The following ARHGAP6 variants were observed in gnomAD, a reference collection of about 807,000 sequenced individuals.
ARHGAP6 encodes the protein Rho GTPase activating protein 6, also known as rho GTPase-activating protein 6.
Under a neutral mutation model 55.7 loss-of-function variants are expected in ARHGAP6, and 16 were observed. The observed-to-expected ratio is 0.29, with a 90% CI of 0.19 to 0.44. ARHGAP6 has a LOEUF of 0.44. ARHGAP6 is among the 20% of genes least tolerant of loss of function. The probability of loss-of-function intolerance (pLI) is 1.00; values close to 1 mark genes in which losing one functional copy is unlikely to be tolerated. For synonymous variants in ARHGAP6, 382 were observed against 360.9 expected (o/e 1.06, Z -0.66); for missense variants, 698 against 808.9 (o/e 0.86, Z 1.66).
rs1263180014 is a variant in ARHGAP6, at chrX:11,196,912, C to A, written c.820+13G>T. 3 of 976,310 alleles carry A rather than the reference C, an allele frequency of 3.1e-6. No individual in the cohort carries two copies. In the African/African-American group the frequency reaches 5.6e-5, roughly 18 times the overall value. 80.5% of individuals were successfully genotyped at this position (976,310 alleles called of 1,213,427 possible). On this transcript the variant is annotated intron_variant, in intron 3 of 12. Transcript: ENST00000337414. ...ATGGAAGATGCATTTACATTGGGTA[C>A]TTTACCCTTTACCTTTGTCTTTGTT...
intron 2 of ARHGAP6, among the ~76,000 whole-genome samples, chrX:11,253,859 T>C (rs758187382): frequency 8.3e-5 from 9 of 108,426 alleles, no homozygotes; most frequent in Non-Finnish European, 1.1e-4. Flanking sequence ...GAGCTGAGGT[T>C]GTGCCACTGC....
At chrX:11,612,284 T>C (rs2052111027) in intron 1 of ARHGAP6, among the ~76,000 whole-genome samples, 1 of 112,332 alleles carries the variant, frequency 8.9e-6, no homozygotes, top group African/African-American at 3.2e-5. Context: ...TGCTAGCTTC[T>C]GGCACACTGT....
At chrX:11,215,707 G>A in intron 2 of ARHGAP6, among the ~76,000 whole-genome samples, 1 of 112,757 alleles carries the variant, frequency 8.9e-6, no homozygotes, top group Non-Finnish European at 1.9e-5. Flanking sequence ...CTCAGGTTAC[G>A]GCCAACCAGG....
chrX:11,176,248 TATATATATATATATATTTGC>T (rs1569242407), intron 8 of ARHGAP6, among the ~76,000 whole-genome samples: 1 of 68,163 alleles, frequency 1.5e-5, no homozygotes, highest in African/African-American at 4.8e-5. Flanking sequence ...TATATATATA[TATATATATATATATATTTGC>T]ATATATTTAT....
rs192700345 is a variant in ARHGAP6 at position 11,588,424 on chromosome X, C to T, written c.588+75817G>A. Among the ~76,000 whole-genome samples the T allele has an allele frequency of 5.1e-3, 564 of 111,605 alleles. 3 individuals are homozygous for T. Among genetic ancestry groups the T allele is most frequent in the Non-Finnish European group, 7.2e-3 (380 of 53,132 alleles). On this transcript the variant is annotated intron_variant, in intron 1 of 12. Coordinates refer to ENST00000337414, the MANE Select transcript of ARHGAP6 (RefSeq NM_013427.3). Reference sequence around the variant, plus strand: ...CAGCAATTCCATTCCTAGGTATATACCCAAGATAACTGAAAACATCTGCCT... The same window carrying T: ...CAGCAATTCCATTCCTAGGTATATATCCAAGATAACTGAAAACATCTGCCT...
chrX:11,408,993 C>T (rs1439803994), intron 1 of ARHGAP6, among the ~76,000 whole-genome samples: 1 of 110,096 alleles, frequency 9.1e-6, no homozygotes, highest in Non-Finnish European at 1.9e-5. Flanking sequence ...CCCCTTACTC[C>T]AATATCCTTA....
intron 1 of ARHGAP6, among the ~76,000 whole-genome samples, chrX:11,355,423 T>C (rs775455214): frequency 2.7e-5 from 3 of 112,272 alleles, no homozygotes; most frequent in Non-Finnish European, 5.6e-5. Context: ...GAGACTGAAG[T>C]TGCAAAGGCT....
chrX:11,450,876 C>T (rs966967476), intron 1 of ARHGAP6, among the ~76,000 whole-genome samples: 5 of 111,495 alleles, frequency 4.5e-5, no homozygotes, highest in Non-Finnish European at 9.4e-5. Context: ...CAGGCATTAT[C>T]AAATGTCCCC....
At chrX:11,601,836 A>G (rs2051978011) in intron 1 of ARHGAP6, among the ~76,000 whole-genome samples, 3 of 112,024 alleles carry the variant, frequency 2.7e-5, no homozygotes, top group Admixed American at 9.5e-5. Context: ...GAGCAGGAAC[A>G]TTGAGAACAG....
intron 1 of ARHGAP6, among the ~76,000 whole-genome samples, chrX:11,594,597 G>A (rs182150981): frequency 8.4e-4 from 93 of 110,375 alleles, no homozygotes; most frequent in African/African-American, 2.9e-3. Flanking sequence ...TTAGATTCTC[G>A]TAGGACCATG....
At chrX:11,264,223 T>TA (rs11410186) in intron 1 of ARHGAP6, among the ~76,000 whole-genome samples, 2,233 of 105,284 alleles carry the variant, frequency 0.021, 48 homozygotes, top group African/African-American at 0.061. Flanking sequence ...AGAGAGCCTG[T>TA]AAAAAAAAAA....
Position 11,250,048 on chromosome X carries a change from G to A in ARHGAP6, c.748+4500C>T, listed in dbSNP as rs755446066. On this transcript the variant is annotated intron_variant, in intron 2 of 12. Transcript: ENST00000337414. ...ATCTTTTTCCCTTTACAAAAATACC[G>A]TATTTATCACGTAATAAATTTTCAT... Among the ~76,000 whole-genome samples the A allele has an allele frequency of 1.4e-4, 16 of 110,952 alleles. No individual in the cohort carries two copies. The East Asian group carries it at 1.7e-3, about 12-fold the overall frequency.
chrX:11,417,249 G>C (rs144700723), intron 1 of ARHGAP6, among the ~76,000 whole-genome samples: 1 of 105,720 alleles, frequency 9.5e-6, no homozygotes, highest in African/African-American at 3.5e-5. Flanking sequence ...TGTTTCCACC[G>C]TGCAGCAAGA....
chrX:11,542,255 T>C (rs2051165274), intron 1 of ARHGAP6, among the ~76,000 whole-genome samples: 1 of 111,107 alleles, frequency 9.0e-6, no homozygotes, highest in Non-Finnish European at 1.9e-5. Flanking sequence ...GCAGATCACC[T>C]GAGGTCAGGG....
At chrX:11,514,662 C>T (rs1397258155) in intron 1 of ARHGAP6, among the ~76,000 whole-genome samples, 1 of 111,067 alleles carries the variant, frequency 9.0e-6, no homozygotes, top group Non-Finnish European at 1.9e-5. Context: ...AGGCTTCACT[C>T]GTCTAGTTAT....
chrX:11,161,591 G>A (rs1191830929), intron 9 of ARHGAP6, among the ~76,000 whole-genome samples: 3 of 109,268 alleles, frequency 2.7e-5, no homozygotes, highest in African/African-American at 6.7e-5. Context: ...AATCAAAAGC[G>A]CTAAAAAAAA....
intron 1 of ARHGAP6, among the ~76,000 whole-genome samples, chrX:11,572,299 T>C (rs2051530926): frequency 9.1e-6 from 1 of 110,487 alleles, no homozygotes; most frequent in Non-Finnish European, 1.9e-5. Context: ...TAACTCGTCA[T>C]TTAGCATTAG....
At chrX:11,585,757 C>T (rs1195449417) in intron 1 of ARHGAP6, among the ~76,000 whole-genome samples, 1 of 111,972 alleles carries the variant, frequency 8.9e-6, no homozygotes, top group African/African-American at 3.2e-5. Flanking sequence ...ATACCTGAGA[C>T]TGGGTAGTTT....
At chrX:11,621,443 A>T (rs1489124232) in intron 1 of ARHGAP6, among the ~76,000 whole-genome samples, 1 of 110,451 alleles carries the variant, frequency 9.1e-6, no homozygotes, top group Admixed American at 9.7e-5. Flanking sequence ...GGCAGAAAGG[A>T]GATAAGAATA....
Sources: allele counts gnomAD v4.1 joint callset (sites outside exome capture counted in the v4.1 genomes callset), GRCh38; gene constraint gnomAD v4.1.1; transcripts MANE v1.5; gene names NCBI Gene and HGNC (gene_info 2026-07-23, HGNC 2026-07-21).